AIMP1: variants seen among roughly 807,000 people sequenced by gnomAD.
AIMP1 encodes the protein aminoacyl tRNA synthetase complex interacting multifunctional protein 1.
In AIMP1, 24 loss-of-function variants were observed where a neutral mutation model predicts 33.1. The ratio of observed to expected loss-of-function variants is 0.73; its 90% CI spans 0.53 to 1.02. The LOEUF (loss-of-function observed/expected upper bound fraction) is 1.02. Ranked by LOEUF, AIMP1 falls within the 50% of genes least tolerant of loss-of-function variation. The pLI is 0.00. For missense variants in AIMP1, 367 were observed against 364.8 expected, an observed-to-expected ratio of 1.01 and a Z score of -0.05; for synonymous variants, 120 against 121.5, an observed-to-expected ratio of 0.99 and a Z score of 0.08.
intron 6 of AIMP1, among the ~76,000 whole-genome samples, chr4:106,347,121 C>T (rs1770334102): frequency 6.6e-6 from 1 of 152,000 alleles, no homozygotes; most frequent in Non-Finnish European, 1.5e-5. Context: ...GGAAATCTGC[C>T]CCTATAATCC....
Position 106,316,845 on chromosome 4 carries a change from C to T in AIMP1, c.-26+251C>T, listed in dbSNP as rs923938563. ...CTACAGAAAAATATCGATCCCTAAG[C>T]GTATTTACTGTTATGTGAATGTGTG... On this transcript the variant is annotated intron_variant, in intron 1 of 6. Transcript: ENST00000672341. 1.3e-5 allele frequency: 6 copies of T among 470,842 alleles called. No individual in the cohort carries two copies. In the Admixed American group the frequency reaches 1.7e-4, roughly 14 times the overall value. The allele number at this position is 470,842 out of a possible 1,614,324, so 29.2% of individuals were successfully genotyped here.
chr4:106,347,596 T>C lies in AIMP1; in HGVS notation c.843T>C (p.Asn281=). The C allele has an allele frequency of 6.2e-7, 1 of 1,613,458 alleles. No homozygotes were observed. Among genetic ancestry groups the C allele is most frequent in the Non-Finnish European group, 8.5e-7 (1 of 1,179,672 alleles). The part of the protein sequence containing the change: ...WEQIQPDLHT[N]DECVATYKGV... ...AGATCCAGCCTGATCTTCACACTAATGATGAGTGTGTGGCTACATACAAAG... is the reference window on the plus strand; with the variant it reads ...AGATCCAGCCTGATCTTCACACTAACGATGAGTGTGTGGCTACATACAAAG... Residue 281 remains asparagine, a synonymous_variant, in exon 7 of 7, where the codon AAT becomes AAC. Transcript: ENST00000672341.
Position 106,316,575 on chromosome 4 carries a change from C to A in AIMP1, c.-45C>A. On this transcript the variant is annotated 5_prime_UTR_variant, in exon 1 of 7. Coordinates refer to ENST00000672341, the MANE Select transcript of AIMP1 (RefSeq NM_001142416.2). ...GCTTCCTGCTGTGGCTGTCTCGGAA[C>A]CCGTGGTCCTCCGCTTCATGTGAGT... The A allele has an allele frequency of 3.2e-6, 5 of 1,551,572 alleles. No individual in the cohort carries two copies. The highest frequency in any genetic ancestry group is 4.9e-5 in the East Asian group (2 of 40,906).
In AIMP1 at chr4:106,319,231, C is replaced by T. The variant is rs538266361; in HGVS notation, c.-26+2637C>T. Among the ~76,000 whole-genome samples, 28 of 152,158 alleles carry T rather than the reference C, an allele frequency of 1.8e-4. No homozygotes were observed. The South Asian group carries it at 5.6e-3, about 31-fold the overall frequency. On this transcript the variant is annotated intron_variant, in intron 1 of 6. Coordinates refer to ENST00000672341, the MANE Select transcript of AIMP1 (RefSeq NM_001142416.2). ...TATGTTTGATTCCCAATGTTGTCAT[C>T]GTGGGGCAGAGATTTTGCTTTTTCA...
In AIMP1 at chr4:106,323,621, A is replaced by T. The variant is rs74727503; in HGVS notation, c.-25-1364A>T. On this transcript the variant is annotated intron_variant, in intron 1 of 6. Coordinates refer to ENST00000672341, the MANE Select transcript of AIMP1 (RefSeq NM_001142416.2). ...AAGTTAAAGTAAAAAAAAAAAAAAA[A>T]CTATGCTCTTCTGAATTTTAGTATC... 1.8e-3 allele frequency among the ~76,000 whole-genome samples: 276 copies of T among 150,482 alleles called. 1 individual carries two copies. The highest frequency in any genetic ancestry group is 6.3e-3 in the African/African-American group (260 of 41,098).
At chr4:106,340,528 T>G (rs565990238) in intron 6 of AIMP1, among the ~76,000 whole-genome samples, 2 of 152,310 alleles carry the variant, frequency 1.3e-5, no homozygotes, top group South Asian at 4.1e-4. Flanking sequence ...CACTTATAAG[T>G]GAAGACATAC....
intron 1 of AIMP1, among the ~76,000 whole-genome samples, chr4:106,317,621 G>C (rs1173450629): frequency 6.6e-6 from 1 of 152,180 alleles, no homozygotes; most frequent in Non-Finnish European, 1.5e-5. Flanking sequence ...ATTTGGATAT[G>C]TAAGAGTATT....
At position 106,347,638 on chromosome 4, in the gene AIMP1, G is replaced by T. The variant is rs757678054; in HGVS notation, c.885G>T (p.Val295=). 3.2e-5 allele frequency: 52 copies of T among 1,613,210 alleles called. No homozygotes were observed. In the South Asian group the frequency reaches 5.7e-4, roughly 18 times the overall value. The change falls in exon 7 of 7, where the codon GTG becomes GTT. Residue 295 remains valine (V), a synonymous_variant. Coordinates refer to ENST00000672341, the MANE Select transcript of AIMP1 (RefSeq NM_001142416.2). Reference sequence around the variant, plus strand: ...CATACAAAGGAGTTCCCTTTGAGGTGAAAGGGAAGGGAGTATGTAGGGCTC... The same window carrying T: ...CATACAAAGGAGTTCCCTTTGAGGTTAAAGGGAAGGGAGTATGTAGGGCTC... ...VATYKGVPFE[V]KGKGVCRAQT...
At chr4:106,327,887 C>T (rs554165798) in intron 3 of AIMP1, among the ~76,000 whole-genome samples, 189 bp from the exon 4 acceptor site, 1 of 152,168 alleles carries the variant, frequency 6.6e-6, no homozygotes, top group South Asian at 2.1e-4. Context: ...TTCTTTGATA[C>T]CTCAATTATG....
In AIMP1 at chr4:106,337,817, G is replaced by C. The variant is rs531918882; in HGVS notation, c.772+780G>C. ...GAGATAGGAAAATGTGGGAAAGTTT[G>C]GAACTTTCTAGAGACTTGTTGAATG... On this transcript the variant is annotated intron_variant, in intron 6 of 6. Transcript: ENST00000672341. 2.3e-4 allele frequency among the ~76,000 whole-genome samples: 35 copies of C among 152,292 alleles called. No homozygotes were observed. In the South Asian group the frequency reaches 6.6e-3, roughly 29 times the overall value.
At chr4:106,344,101 C>T (rs1447566613) in intron 6 of AIMP1, among the ~76,000 whole-genome samples, 1 of 152,084 alleles carries the variant, frequency 6.6e-6, no homozygotes, top group Non-Finnish European at 1.5e-5. Flanking sequence ...CTTCTGGCAC[C>T]ACACTCTCCT....
Position 106,331,657 on chromosome 4 carries a change from A to G in AIMP1, c.392-15A>G, listed in dbSNP as rs1446486372. 5 of 1,612,158 alleles carry G rather than the reference A, an allele frequency of 3.1e-6. No homozygotes were observed. The highest frequency in any genetic ancestry group is 4.2e-6 in the Non-Finnish European group (5 of 1,178,254). On this transcript the variant is annotated splice_polypyrimidine_tract_variant and intron_variant, in intron 4 of 6. Transcript: ENST00000672341. Reference sequence around the variant, plus strand: ...TTTTATTTCTGATGTTTACCCATTCATAAATACTTTTTAGGAGAGAAGAAG... The same window carrying G: ...TTTTATTTCTGATGTTTACCCATTCGTAAATACTTTTTAGGAGAGAAGAAG...
At chr4:106,336,330 C>G (rs753502141) in intron 5 of AIMP1, among the ~76,000 whole-genome samples, 2 of 150,852 alleles carry the variant, frequency 1.3e-5, no homozygotes, top group Admixed American at 6.6e-5. Flanking sequence ...GTGTGAGCCA[C>G]CACACCCAGC....
rs1355651596 is a variant in AIMP1, at chr4:106,331,644, T to A, written c.392-28T>A. The stretch of plus-strand genomic sequence containing the variant: ...TTTTTTTGCTTGGTTTTATTTCTGA[T>A]GTTTACCCATTCATAAATACTTTTT... On this transcript the variant is annotated intron_variant, in intron 4 of 6. Transcript: ENST00000672341. 6.3e-7 allele frequency: 1 copy of A among 1,594,086 alleles called. No homozygotes were observed. The highest frequency in any genetic ancestry group is 8.6e-7 in the Non-Finnish European group (1 of 1,161,896).
At chr4:106,345,628 C>G (rs1770267343) in intron 6 of AIMP1, among the ~76,000 whole-genome samples, 5 of 151,760 alleles carry the variant, frequency 3.3e-5, no homozygotes, top group Admixed American at 6.6e-5. Context: ...ATTACAAGTT[C>G]TAATGTAGGT....
chr4:106,336,136 G>A (rs1049846088), intron 5 of AIMP1, among the ~76,000 whole-genome samples: 17 of 137,832 alleles, frequency 1.2e-4, no homozygotes, highest in Admixed American at 4.8e-4. Flanking sequence ...AGGCTCAAGC[G>A]ATCCTTCCAC....
At chr4:106,334,255 A>G (rs1427678357) in intron 5 of AIMP1, among the ~76,000 whole-genome samples, 1 of 150,998 alleles carries the variant, frequency 6.6e-6, no homozygotes, top group Non-Finnish European at 1.5e-5. Flanking sequence ...TAAAATACAG[A>G]GATAGATAAA....
chr4:106,329,358 G>A (rs576957200), intron 4 of AIMP1, among the ~76,000 whole-genome samples: 142 of 152,300 alleles, frequency 9.3e-4, no homozygotes, highest in South Asian at 5.4e-3. Context: ...GCACTGTTCT[G>A]ACTCAGGATT....
intron 1 of AIMP1, among the ~76,000 whole-genome samples, chr4:106,319,772 T>C (rs973141547): frequency 3.9e-5 from 6 of 152,204 alleles, no homozygotes; most frequent in African/African-American, 1.4e-4. Flanking sequence ...TAGCATTTCC[T>C]AAACTGTTTT....
Sources: allele counts gnomAD v4.1 joint callset (sites outside exome capture counted in the v4.1 genomes callset), GRCh38; gene constraint gnomAD v4.1.1; transcripts MANE v1.5; gene names NCBI Gene and HGNC (gene_info 2026-07-23, HGNC 2026-07-21).